The following FRMD4A variants were observed in gnomAD, a reference collection of about 807,000 sequenced individuals.
FRMD4A encodes the protein FERM domain-containing protein 4A.
In FRMD4A, 29 loss-of-function variants were observed where a neutral mutation model predicts 129.1. That is an observed-to-expected ratio of 0.22 (90% CI 0.17 to 0.31). FRMD4A has a LOEUF of 0.31. Ranked by LOEUF, FRMD4A falls within the 10% of genes least tolerant of loss-of-function variation. The pLI is 1.00. For synonymous variants in FRMD4A, 634 were observed against 571.6 expected, an observed-to-expected ratio of 1.11 and a Z score of -1.56; for missense variants, 1,272 against 1,375.8, an observed-to-expected ratio of 0.92 and a Z score of 1.19.
intron 2 of FRMD4A, among the ~76,000 whole-genome samples, chr10:14,021,256 G>T (rs1300669418): frequency 2.6e-5 from 4 of 151,964 alleles, no homozygotes; most frequent in Non-Finnish European, 5.9e-5. Flanking sequence ...AAAAGCTGGG[G>T]GGTCCAGACA....
intron 2 of FRMD4A, among the ~76,000 whole-genome samples, chr10:13,929,369 C>A (rs1347183347): frequency 1.3e-5 from 2 of 152,182 alleles, no homozygotes; most frequent in Admixed American, 6.5e-5. Context: ...CCTGGACACC[C>A]TTTGTGTCCA....
At chr10:14,106,477 G>A (rs1837593286) in intron 2 of FRMD4A, among the ~76,000 whole-genome samples, 2 of 152,038 alleles carry the variant, frequency 1.3e-5, no homozygotes, top group South Asian at 4.2e-4. Flanking sequence ...TACAAAATTG[G>A]GACATTTAAA....
At chr10:14,015,367 C>T (rs1256374432) in intron 2 of FRMD4A, among the ~76,000 whole-genome samples, 2 of 149,298 alleles carry the variant, frequency 1.3e-5, no homozygotes, top group East Asian at 3.9e-4. Flanking sequence ...TTTTCTCCTT[C>T]CTTCCTTCCT....
At chr10:14,234,993 C>CT (rs1353395392) in intron 2 of FRMD4A, among the ~76,000 whole-genome samples, 1 of 152,130 alleles carries the variant, frequency 6.6e-6, no homozygotes, top group Non-Finnish European at 1.5e-5. Flanking sequence ...GTGCTCGTTC[C>CT]TTTTTTCTTA....
chr10:13,860,008 A>AT (rs575002669), intron 2 of FRMD4A, among the ~76,000 whole-genome samples: 66 of 152,296 alleles, frequency 4.3e-4, no homozygotes, highest in African/African-American at 1.5e-3. Flanking sequence ...GCTGGTGAAT[A>AT]TTTAACAACT....
chr10:13,985,952 C>T (rs1014399330), intron 2 of FRMD4A, among the ~76,000 whole-genome samples: 1 of 152,210 alleles, frequency 6.6e-6, no homozygotes, highest in Non-Finnish European at 1.5e-5. Context: ...TGGCTCCAAA[C>T]GAAGCCCCTC....
At chr10:13,686,634 G>A (rs185616785) in intron 15 of FRMD4A, among the ~76,000 whole-genome samples, 19 of 152,246 alleles carry the variant, frequency 1.2e-4, no homozygotes, top group South Asian at 4.1e-4. Context: ...TTCATTTCTC[G>A]TTTTTTAAAC....
intron 2 of FRMD4A, among the ~76,000 whole-genome samples, chr10:14,161,428 T>A (rs891874749): frequency 2.6e-5 from 4 of 152,158 alleles, no homozygotes; most frequent in African/African-American, 9.7e-5. Context: ...TGAGTGTCCA[T>A]CAGTGGATGA....
At chr10:13,888,427 C>T (rs970252207) in intron 2 of FRMD4A, among the ~76,000 whole-genome samples, 17 of 152,110 alleles carry the variant, frequency 1.1e-4, no homozygotes, top group African/African-American at 3.6e-4. Flanking sequence ...AAACGGACAG[C>T]GCAGAATCAG....
chr10:14,102,827 A>G (rs1006175505), intron 2 of FRMD4A, among the ~76,000 whole-genome samples: 2 of 151,744 alleles, frequency 1.3e-5, no homozygotes, highest in African/African-American at 2.4e-5. Context: ...GGGAGTTCTC[A>G]TTTTGGCATG....
At chr10:14,215,790 C>G (rs994412555) in intron 2 of FRMD4A, among the ~76,000 whole-genome samples, 2 of 151,960 alleles carry the variant, frequency 1.3e-5, no homozygotes, top group African/African-American at 4.8e-5. Context: ...CAAGTTTAAC[C>G]CAAGAACGAG....
intron 2 of FRMD4A, among the ~76,000 whole-genome samples, chr10:13,921,880 AG>A (rs1489197458): frequency 3.9e-5 from 6 of 152,216 alleles, no homozygotes; most frequent in African/African-American, 1.4e-4. Flanking sequence ...GGTGACTGCT[AG>A]GGACTAAATT....
At chr10:14,057,325 C>A (rs888357083) in intron 2 of FRMD4A, among the ~76,000 whole-genome samples, 4 of 152,314 alleles carry the variant, frequency 2.6e-5, no homozygotes, top group South Asian at 2.1e-4. Context: ...ACTTCCCCCC[C>A]ATTCAGCATA....
chr10:14,045,416 T>C (rs1833947058), intron 2 of FRMD4A, among the ~76,000 whole-genome samples: 2 of 152,150 alleles, frequency 1.3e-5, no homozygotes, highest in Admixed American at 6.6e-5. Flanking sequence ...GGGTACTCGC[T>C]CTCTTAATGT....
At chr10:14,149,988 C>G (rs1840260932) in intron 2 of FRMD4A, among the ~76,000 whole-genome samples, 1 of 152,158 alleles carries the variant, frequency 6.6e-6, no homozygotes, top group South Asian at 2.1e-4. Flanking sequence ...AGCTTATAAT[C>G]ATGGTGGAAG....
rs185844534 is a variant in FRMD4A, at chr10:14,189,943, A to G, written c.45+140115T>C. ...TCTATCTATCTTAATTATGCTTGCA[A>G]ACTTCATAGGGCGCTCTCTGACTCT... On this transcript the variant is annotated intron_variant, in intron 2 of 24. Transcript: ENST00000357447. 7.9e-5 allele frequency among the ~76,000 whole-genome samples: 12 copies of G among 152,326 alleles called. No homozygotes were observed. In the East Asian group the frequency reaches 2.3e-3, roughly 29 times the overall value.
At chr10:13,751,621 C>T (rs1378385696) in intron 8 of FRMD4A, among the ~76,000 whole-genome samples, 2 of 152,110 alleles carry the variant, frequency 1.3e-5, no homozygotes, top group Non-Finnish European at 2.9e-5. Context: ...ATGTCTTCCA[C>T]TTCGACATTT....
chr10:14,073,865 A>T (rs1031672382), intron 2 of FRMD4A, among the ~76,000 whole-genome samples: 1 of 152,132 alleles, frequency 6.6e-6, no homozygotes, highest in African/African-American at 2.4e-5. Flanking sequence ...TAATCCCAGC[A>T]CTTTGGAAGG....
In FRMD4A at chr10:14,098,732, CA is replaced by C. The variant is rs1318828645; in HGVS notation, c.45+231325del. ...CTGAATATGGTTCTCAAGAACCCCC[CA>C]ATCTAGTCTCTTACCCTAGTGCCTC... is the stretch of plus-strand genomic sequence containing the variant. On this transcript the variant is annotated intron_variant, in intron 2 of 24. Coordinates refer to ENST00000357447, the MANE Select transcript of FRMD4A (RefSeq NM_018027.5). 3.3e-5 allele frequency among the ~76,000 whole-genome samples: 5 copies of C among 152,286 alleles called. No homozygotes were observed. In the East Asian group the frequency reaches 9.7e-4, roughly 29 times the overall value.
Sources: allele counts gnomAD v4.1 joint callset (sites outside exome capture counted in the v4.1 genomes callset), GRCh38; gene constraint gnomAD v4.1.1; transcripts MANE v1.5; gene names NCBI Gene and HGNC (gene_info 2026-07-23, HGNC 2026-07-21).